RUVBL1: variants seen among roughly 807,000 people sequenced by gnomAD.
RUVBL1 encodes the protein ruvB-like 1.
In RUVBL1, 4 loss-of-function variants were observed where a neutral mutation model predicts 52.4. The observed-to-expected ratio is 0.08, with a 90% CI of 0.04 to 0.17. The LOEUF (loss-of-function observed/expected upper bound fraction) is 0.17, where lower values mean the gene tolerates loss of function less well. RUVBL1 is among the 10% of genes least tolerant of loss of function. The probability of loss-of-function intolerance (pLI) is 1.00; values close to 1 mark genes in which losing one functional copy is unlikely to be tolerated. For missense variants in RUVBL1, 298 were observed against 572.8 expected (o/e 0.52, Z 4.90); for synonymous variants, 217 against 214.4 (o/e 1.01, Z -0.10).
At chr3:128,088,576 G>GT (rs528714226) in intron 8 of RUVBL1, among the ~76,000 whole-genome samples, 73 of 149,248 alleles carry the variant, frequency 4.9e-4, no homozygotes, top group African/African-American at 1.4e-3. Context: ...AGTTTTTTTT[G>GT]TTTTTTTTCA....
At chr3:128,092,377 TTC>T (rs1327241954) in intron 8 of RUVBL1, among the ~76,000 whole-genome samples, 7 of 151,872 alleles carry the variant, frequency 4.6e-5, no homozygotes, top group Non-Finnish European at 8.8e-5. Flanking sequence ...AATTTAAAAC[TTC>T]TGTGTGTCAA....
chr3:128,148,349 G>T (rs1447410532), intron 1 of RUVBL1, among the ~76,000 whole-genome samples: 1 of 152,174 alleles, frequency 6.6e-6, no homozygotes. Context: ...TAATGAATTG[G>T]ATGTGGTGTA....
At chr3:128,068,633 T>TA (rs1942058539) in intron 9 of RUVBL1, 1 of 154,026 alleles carries the variant, frequency 6.5e-6, no homozygotes, top group African/African-American at 2.4e-5. Flanking sequence ...GGAGGCCACA[T>TA]ACCTGCCAGG....
chr3:128,086,275 G>A (rs1298853474), intron 9 of RUVBL1, among the ~76,000 whole-genome samples: 1 of 152,224 alleles, frequency 6.6e-6, no homozygotes, highest in East Asian at 1.9e-4. Flanking sequence ...GGGATTACAG[G>A]TGTGAGTCAC....
intron 1 of RUVBL1, among the ~76,000 whole-genome samples, chr3:128,121,660 A>G (rs1455903940): frequency 6.8e-6 from 1 of 147,992 alleles, no homozygotes; most frequent in Non-Finnish European, 1.5e-5. Context: ...CAGTGAGCCG[A>G]GATCGCGCCA....
At position 128,087,755 on chromosome 3, in the gene RUVBL1, C is replaced by T. The variant is rs749144715; in HGVS notation, c.1070G>A (p.Arg357Gln). 4.3e-6 allele frequency: 7 copies of T among 1,613,944 alleles called. No individual in the cohort carries two copies. Among genetic ancestry groups the T allele is most frequent in the Non-Finnish European group, 5.1e-6 (6 of 1,179,938 alleles). The change falls in exon 9 of 11, where the codon CGA becomes CAA. Residue 357 changes from arginine to glutamine, a missense_variant. By Grantham distance (43) the Arg-to-Gln change is conservative. This residue lies in a region of RUVBL1 where 161 missense variants were observed against 298.3 expected (regional missense o/e 0.54). Transcript: ENST00000322623. ...PHGIPLDLLD[R>Q]VMIIRTMLYT... is the part of the protein sequence containing the mutation. ...CAGCATGGTCCGGATTATCATCACT[C>T]GGTCCAGAAGGTCAAGAGGGATGCC...
At chr3:128,100,318 C>A (rs1000239847) in intron 6 of RUVBL1, among the ~76,000 whole-genome samples, 68 of 152,216 alleles carry the variant, frequency 4.5e-4, no homozygotes, top group African/African-American at 1.5e-3. Context: ...TGTGAGCCCA[C>A]TGCTGGAGTG....
chr3:128,096,212 G>A (rs1942965403), intron 8 of RUVBL1, among the ~76,000 whole-genome samples: 2 of 152,118 alleles, frequency 1.3e-5, no homozygotes, highest in African/African-American at 4.8e-5. Context: ...CAGAGACCAG[G>A]CACTAATGTT....
downstream of RUVBL1, among the ~76,000 whole-genome samples, chr3:128,079,995 C>T (rs1393186776): frequency 6.6e-6 from 1 of 152,202 alleles, no homozygotes; most frequent in African/African-American, 2.4e-5. Flanking sequence ...TCAGGCACCA[C>T]GGAGCCAGCA....
At chr3:128,069,427 ACGG>A in intron 9 of RUVBL1, 2 of 1,570,392 alleles carry the variant, frequency 1.3e-6, no homozygotes, top group South Asian at 2.3e-5. Flanking sequence ...CGCCTGGCTC[ACGG>A]GGAGCTCTGT....
At position 128,081,043 on chromosome 3, in the gene RUVBL1, C is replaced by A; in HGVS notation, c.*207G>T. The A allele has an allele frequency of 7.9e-6, 4 of 505,650 alleles. No individual in the cohort carries two copies. Among genetic ancestry groups the A allele is most frequent in the South Asian group, 3.4e-5 (1 of 29,230 alleles). 31.3% of individuals were successfully genotyped at this position (505,650 alleles called of 1,614,324 possible). ...ATAACCTATGAAGATTTATAGAAAACACACCAGGTAAGGAAGGGTTCTTTC... is the reference window on the plus strand; with the variant it reads ...ATAACCTATGAAGATTTATAGAAAAAACACCAGGTAAGGAAGGGTTCTTTC... On this transcript the variant is annotated 3_prime_UTR_variant, in exon 11 of 11. Transcript: ENST00000322623. This position sits in a 1 kb window ranked among gnomAD's most constrained non-coding sequence, Gnocchi z 4.8.
At chr3:128,077,260 C>T (rs1016694682), downstream of RUVBL1, among the ~76,000 whole-genome samples, 2 of 152,110 alleles carry the variant, frequency 1.3e-5, no homozygotes, top group African/African-American at 4.8e-5. Flanking sequence ...CCGGCCCACC[C>T]CTTCACAGTT....
chr3:128,069,444 T>G (rs1942087903), intron 9 of RUVBL1: 1 of 1,596,180 alleles, frequency 6.3e-7, no homozygotes, highest in Non-Finnish European at 8.5e-7. Context: ...GCTCTGTGGG[T>G]GTCCAGGAGC....
chr3:128,103,666 G>A (rs548532140), intron 4 of RUVBL1, among the ~76,000 whole-genome samples: 3 of 152,326 alleles, frequency 2.0e-5, no homozygotes, highest in Admixed American at 1.3e-4. Context: ...ACAGTACAAC[G>A]GTTAGGACTC....
downstream of RUVBL1, among the ~76,000 whole-genome samples, chr3:128,080,605 GA>G (rs1163267214): frequency 7.9e-5 from 12 of 152,182 alleles, no homozygotes; most frequent in African/African-American, 2.4e-4. Context: ...CTACTCATGA[GA>G]AAAGCATCAG....
At chr3:128,076,115 A>C (rs1163783462), downstream of RUVBL1, 1 of 152,444 alleles carries the variant, frequency 6.6e-6, no homozygotes, top group East Asian at 1.9e-4. This position sits in a 1 kb window ranked among gnomAD's most constrained non-coding sequence, Gnocchi z 6.8. Context: ...CTCCCTCCCG[A>C]TTCCCGAGTT....
At chr3:128,069,993 C>G (rs778149068) in intron 9 of RUVBL1, 2 of 190,478 alleles carry the variant, frequency 1.0e-5, no homozygotes, top group Admixed American at 1.2e-4. Context: ...AGCCGTCTCA[C>G]CTGTTTCCCC....
intron 1 of RUVBL1, among the ~76,000 whole-genome samples, chr3:128,136,321 G>A (rs138853732): frequency 3.2e-3 from 491 of 152,134 alleles, no homozygotes; most frequent in African/African-American, 0.011. Flanking sequence ...AAGACACAGA[G>A]TAGCTGAATG....
rs770721140 is a variant in RUVBL1 at position 128,097,302 on chromosome 3, G to T, written c.1014C>A (p.Ile338=). The T allele has an allele frequency of 1.9e-6, 3 of 1,613,754 alleles. No individual in the cohort carries two copies. The East Asian group carries it at 6.7e-5, about 36-fold the overall frequency. ...IFASNRGNCV[I]RGTEDITSPH... is the part of the protein sequence containing the mutation. ...TGGCTGGCAGGCAGCCATCCTACCT[G>T]ATGACACAGTTGCCTCGGTTGGATG... The change falls in exon 8 of 11, where the codon ATC becomes ATA. Residue 338 remains isoleucine, a splice_region_variant and synonymous_variant. Transcript: ENST00000322623.
Sources: allele counts gnomAD v4.1 joint callset (sites outside exome capture counted in the v4.1 genomes callset), GRCh38; gene constraint gnomAD v4.1.1; regional missense constraint gnomAD v4.1.1; non-coding constraint Gnocchi (gnomAD v3.1); transcripts MANE v1.5; gene names NCBI Gene and HGNC (gene_info 2026-07-23, HGNC 2026-07-21).